The following ROBO2 variants were observed in gnomAD, a reference collection of about 807,000 sequenced individuals.
The protein encoded by ROBO2 is roundabout guidance receptor 2, also known as roundabout homolog 2.
A neutral mutation model predicts 160.8 loss-of-function variants in ROBO2; 53 were observed. The observed-to-expected ratio is 0.33, with a 90% CI of 0.26 to 0.41. The LOEUF is 0.41. ROBO2 is among the 10% of genes least tolerant of loss of function. The pLI, the probability that ROBO2 is intolerant of heterozygous loss-of-function variation, is 1.00. For synonymous variants in ROBO2, 664 were observed against 611.7 expected, an observed-to-expected ratio of 1.09 and a Z score of -1.26; for missense variants, 1,577 against 1,722.4, an observed-to-expected ratio of 0.92 and a Z score of 1.49.
rs537377528 is a variant in ROBO2, at chr3:77,646,398, T to C, written c.*343T>C. On this transcript the variant is annotated 3_prime_UTR_variant, in exon 26 of 26. Coordinates refer to ENST00000461745, the Ensembl canonical transcript of ROBO2. ...TTAGCTCTGCTCATATTATTGTCTG[T>C]TCTTATTGGTCTGTTGTACTATATG... The C allele has an allele frequency of 7.2e-5, 16 of 223,536 alleles. No individual in the cohort carries two copies. The East Asian group carries it at 1.5e-3, about 20-fold the overall frequency. The allele number at this position is 223,536 out of a possible 1,614,324, so 13.8% of individuals were successfully genotyped here.
intron 2 of ROBO2, among the ~76,000 whole-genome samples, chr3:77,157,723 A>G (rs2078136437): frequency 6.6e-6 from 1 of 152,084 alleles, no homozygotes; most frequent in Non-Finnish European, 1.5e-5. Flanking sequence ...GCTTATGAGG[A>G]AATTCATTGT....
chr3:77,441,289 C>T (rs1043725963), intron 2 of ROBO2, among the ~76,000 whole-genome samples: 15 of 150,686 alleles, frequency 1.0e-4, no homozygotes, highest in Admixed American at 2.7e-4. Context: ...AAAACAGAGA[C>T]GGGAATGTAT....
chr3:76,306,052 C>A (rs1355745821), intron 2 of ROBO2, among the ~76,000 whole-genome samples: 1 of 152,102 alleles, frequency 6.6e-6, no homozygotes, highest in African/African-American at 2.4e-5. Context: ...CTTGCTGTGA[C>A]AGCCACAAAA....
At chr3:76,933,193 A>C (rs529058553) in intron 2 of ROBO2, among the ~76,000 whole-genome samples, 1 of 152,332 alleles carries the variant, frequency 6.6e-6, no homozygotes, top group South Asian at 2.1e-4. Context: ...CATATTCCAT[A>C]TACAATATTG....
intron 2 of ROBO2, among the ~76,000 whole-genome samples, chr3:77,378,772 T>C (rs2073027349): frequency 6.6e-6 from 1 of 152,154 alleles, no homozygotes; most frequent in South Asian, 2.1e-4. Flanking sequence ...GTTTTATGAT[T>C]CCATGCTATG....
intron 2 of ROBO2, among the ~76,000 whole-genome samples, chr3:76,347,715 T>G (rs1361606445): frequency 1.3e-5 from 2 of 151,860 alleles, no homozygotes; most frequent in Admixed American, 1.3e-4. Context: ...TTCTGTGTAA[T>G]TACAACCAAG....
intron 21 of ROBO2, among the ~76,000 whole-genome samples, chr3:77,610,053 AAC>A (rs1219925445): frequency 1.3e-5 from 2 of 151,338 alleles, no homozygotes; most frequent in African/African-American, 4.8e-5. Context: ...TTAATATAAA[AAC>A]AAATAAAAAT....
At chr3:77,362,419 G>C (rs2070161145) in intron 2 of ROBO2, among the ~76,000 whole-genome samples, 3 of 152,156 alleles carry the variant, frequency 2.0e-5, no homozygotes, top group African/African-American at 7.2e-5. Flanking sequence ...GCTGAAGACA[G>C]AACAGAGTGA....
intron 2 of ROBO2, among the ~76,000 whole-genome samples, chr3:76,396,771 G>A (rs1410612817): frequency 1.2e-4 from 18 of 152,120 alleles, no homozygotes; most frequent in Non-Finnish European, 2.2e-4. Flanking sequence ...TACGAGGGAC[G>A]TGAAGGACCT....
chr3:77,082,903 TTTAAATGTACTCACA>T (rs1401296730), intron 1 of ROBO2, among the ~76,000 whole-genome samples: 1 of 152,032 alleles, frequency 6.6e-6, no homozygotes, highest in African/African-American at 2.4e-5. Flanking sequence ...ATATACAGTA[TTTAAATGTACTCACA>T]CCAAATGGAA....
intron 2 of ROBO2, among the ~76,000 whole-genome samples, chr3:76,733,925 G>A (rs1189862490): frequency 6.6e-6 from 1 of 152,144 alleles, no homozygotes; most frequent in Non-Finnish European, 1.5e-5. Flanking sequence ...TTGTAACTAG[G>A]CATCTTTTTG....
In ROBO2 at chr3:76,836,919, A is replaced by G. The variant is rs554699193; in HGVS notation, c.110-261095A>G. Among the ~76,000 whole-genome samples the G allele has an allele frequency of 2.5e-3, 376 of 151,966 alleles. 1 individual carries two copies. Among genetic ancestry groups the G allele is most frequent in the Middle Eastern group, 6.8e-3 (2 of 292 alleles). ...CGATTTGGTTGATGACGTTACTTGC[A>G]TCTTATATATCCTTATAGATTTTCT... On this transcript the variant is annotated intron_variant, in intron 2 of 26. Coordinates refer to the ROBO2 transcript ENST00000487694.
chr3:77,464,349 C>A (rs1292508003), intron 2 of ROBO2, among the ~76,000 whole-genome samples: 1 of 152,066 alleles, frequency 6.6e-6, no homozygotes. Context: ...GAGGAACTGG[C>A]ATATGGTGGA....
chr3:77,588,801 C>A (rs749495086), exon 17 of ROBO2: 88 of 1,613,350 alleles, frequency 5.5e-5, no homozygotes, highest in Non-Finnish European at 5.3e-5. Context: ...CATAACTGAG[C>A]AAATCACTGA....
intron 2 of ROBO2, among the ~76,000 whole-genome samples, chr3:77,316,535 T>A (rs141831566): frequency 1.8e-4 from 27 of 152,190 alleles, no homozygotes; most frequent in Middle Eastern, 6.8e-3. Context: ...GCTACCGAGT[T>A]CCCCCCAAGT....
At chr3:76,614,923 G>A (rs1426075209) in intron 2 of ROBO2, among the ~76,000 whole-genome samples, 1 of 152,068 alleles carries the variant, frequency 6.6e-6, no homozygotes, top group Non-Finnish European at 1.5e-5. Context: ...GTGAAAGCAA[G>A]ATTCCTTCAC....
chr3:76,065,948 T>C (rs2068240317), intron 2 of ROBO2, among the ~76,000 whole-genome samples: 1 of 151,876 alleles, frequency 6.6e-6, no homozygotes, highest in Admixed American at 6.6e-5. Context: ...TATTCCCTGC[T>C]CACAACAGCT....
chr3:77,601,706 A>G (rs962835197), intron 19 of ROBO2, among the ~76,000 whole-genome samples: 1 of 152,222 alleles, frequency 6.6e-6, no homozygotes, highest in African/African-American at 2.4e-5. Context: ...ATTAAATCAC[A>G]CAATAAGTGG....
chr3:76,254,597 A>G, intron 2 of ROBO2, among the ~76,000 whole-genome samples: 1 of 152,076 alleles, frequency 6.6e-6, no homozygotes. Context: ...TAACTGCAAT[A>G]ACGCTGTCAG....
Sources: gnomAD v4.1 joint callset for allele counts (sites outside exome capture counted in the v4.1 genomes callset) on GRCh38, gnomAD v4.1.1 for gene constraint, MANE v1.5 for transcripts, NCBI Gene and HGNC (gene_info 2026-07-23, HGNC 2026-07-21) for gene names.